VPS13B: variants seen among roughly 807,000 people sequenced by gnomAD.
VPS13B encodes the protein vacuolar protein sorting 13 homolog B.
In VPS13B, 285 loss-of-function variants were observed where a neutral mutation model predicts 426.4. The observed-to-expected ratio is 0.67, with a 90% confidence interval of 0.61 to 0.74. VPS13B has a LOEUF of 0.74. Ranked by LOEUF, VPS13B falls within the 30% of genes least tolerant of loss-of-function variation. The pLI, the probability that VPS13B is intolerant of heterozygous loss-of-function variation, is 0.00. For synonymous variants in VPS13B, 1,676 were observed against 1,676.4 expected, an observed-to-expected ratio of 1.00 and a Z score of 0.01; for missense variants, 4,537 against 4,782.6, an observed-to-expected ratio of 0.95 and a Z score of 1.51.
At chr8:99,749,601 C>A (rs758389868) in intron 39 of VPS13B, among the ~76,000 whole-genome samples, 22 of 151,998 alleles carry the variant, frequency 1.4e-4, no homozygotes, top group Non-Finnish European at 2.6e-4. Context: ...AGTAGTACTC[C>A]ATTGTGTGTA....
chr8:99,087,185 C>T (rs1187582782), intron 3 of VPS13B, among the ~76,000 whole-genome samples: 1 of 152,158 alleles, frequency 6.6e-6, no homozygotes, highest in African/African-American at 2.4e-5. Context: ...CCTCGCTGCC[C>T]CCTTGCAGTT....
intron 17 of VPS13B, among the ~76,000 whole-genome samples, chr8:99,200,367 G>T (rs1787799694): frequency 6.6e-6 from 1 of 151,968 alleles, no homozygotes; most frequent in Admixed American, 6.6e-5. Flanking sequence ...GAATATTCAA[G>T]TACAGGTTTT....
intron 17 of VPS13B, among the ~76,000 whole-genome samples, chr8:99,201,435 A>C (rs1490006065): frequency 6.6e-6 from 1 of 152,178 alleles, no homozygotes; most frequent in East Asian, 1.9e-4. Context: ...CAAAAGCAAT[A>C]ACAAATTTAA....
At chr8:99,027,530 C>T (rs1373078492) in intron 2 of VPS13B, among the ~76,000 whole-genome samples, 3 of 72,678 alleles carry the variant, frequency 4.1e-5, no homozygotes, top group Non-Finnish European at 7.2e-5. Flanking sequence ...ATTTCTTCTA[C>T]ATCTAGTCTA....
intron 34 of VPS13B, among the ~76,000 whole-genome samples, chr8:99,654,031 GATTATTATTATTATT>G (rs200884439): frequency 1.3e-5 from 2 of 149,784 alleles, no homozygotes; most frequent in African/African-American, 2.5e-5. Flanking sequence ...TGATGATGAT[GATTATTATTATTATT>G]ATTATTATAT....
intron 31 of VPS13B, among the ~76,000 whole-genome samples, chr8:99,564,423 C>G (rs1389044954): frequency 6.6e-6 from 1 of 152,138 alleles, no homozygotes; most frequent in African/African-American, 2.4e-5. Flanking sequence ...GCAGCACATC[C>G]AACTGGTGGA....
At chr8:99,382,423 G>A (rs1295967931) in intron 19 of VPS13B, among the ~76,000 whole-genome samples, 1 of 152,112 alleles carries the variant, frequency 6.6e-6, no homozygotes, top group African/African-American at 2.4e-5. Context: ...GGACAGAATG[G>A]CCCTTTTAAT....
chr8:99,152,136 A>G (rs1011928228), intron 14 of VPS13B, among the ~76,000 whole-genome samples: 1 of 152,144 alleles, frequency 6.6e-6, no homozygotes, highest in African/African-American at 2.4e-5. Context: ...TTTGTAATAT[A>G]TGAACTCAAT....
intron 17 of VPS13B, among the ~76,000 whole-genome samples, chr8:99,200,599 G>A (rs1258781160): frequency 6.6e-6 from 1 of 151,946 alleles, no homozygotes; most frequent in Non-Finnish European, 1.5e-5. Flanking sequence ...CATCATTGTA[G>A]GTGTGAAGTG....
intron 54 of VPS13B, among the ~76,000 whole-genome samples, chr8:99,844,840 C>G (rs1324259627): frequency 6.6e-6 from 1 of 152,120 alleles, no homozygotes; most frequent in East Asian, 1.9e-4. Flanking sequence ...TTTCTGGAAT[C>G]TCTCTATTAT....
intron 44 of VPS13B, among the ~76,000 whole-genome samples, chr8:99,813,409 T>A (rs1458390434): frequency 6.6e-6 from 1 of 152,240 alleles, no homozygotes; most frequent in Non-Finnish European, 1.5e-5. Context: ...GCAAGAGCCA[T>A]GTGCATATAT....
chr8:99,361,770 A>G (rs1812573708), intron 19 of VPS13B, among the ~76,000 whole-genome samples: 2 of 152,216 alleles, frequency 1.3e-5, no homozygotes, highest in South Asian at 4.1e-4. Context: ...TGAAGGCAGA[A>G]CTATTTTTAG....
At chr8:99,692,696 A>G (rs1372681167) in intron 35 of VPS13B, among the ~76,000 whole-genome samples, 2 of 137,452 alleles carry the variant, frequency 1.5e-5, no homozygotes, top group African/African-American at 5.6e-5. Context: ...CTAAAATCAG[A>G]GCAGAACTGA....
intron 21 of VPS13B, among the ~76,000 whole-genome samples, chr8:99,393,223 T>C (rs1370827749): frequency 6.6e-6 from 1 of 152,112 alleles, no homozygotes; most frequent in African/African-American, 2.4e-5. Flanking sequence ...ATCACAGATT[T>C]TGAAATGCAT....
intron 42 of VPS13B, among the ~76,000 whole-genome samples, chr8:99,783,045 C>T (rs1467883803): frequency 6.6e-6 from 1 of 152,042 alleles, no homozygotes; most frequent in East Asian, 1.9e-4. Flanking sequence ...CAGCATAGAG[C>T]CTGCCCACCT....
intron 21 of VPS13B, among the ~76,000 whole-genome samples, chr8:99,410,462 C>T (rs1423156996): frequency 6.6e-6 from 1 of 152,054 alleles, no homozygotes; most frequent in East Asian, 1.9e-4. Flanking sequence ...AAACAAACTC[C>T]ATGTTACCTC....
chr8:99,080,081 TTAA>T (rs1845362084), intron 3 of VPS13B, among the ~76,000 whole-genome samples: 1 of 150,924 alleles, frequency 6.6e-6, no homozygotes, highest in African/African-American at 2.4e-5. Context: ...ATATATAACA[TTAA>T]TGTTTCTTTT....
chr8:99,314,174 C>T (rs186232848), intron 19 of VPS13B, among the ~76,000 whole-genome samples: 4 of 152,228 alleles, frequency 2.6e-5, no homozygotes, highest in Admixed American at 1.3e-4. Flanking sequence ...CACCCACTGT[C>T]CTGCCCCCAC....
rs112214024 is a variant in VPS13B at position 99,060,692 on chromosome 8, G to A, written c.291+22126G>A. Among the ~76,000 whole-genome samples, 587 of 152,048 alleles carry A rather than the reference G, an allele frequency of 3.9e-3. 6 individuals are homozygous for A. The highest frequency in any genetic ancestry group is 0.013 in the African/African-American group (523 of 41,496). On this transcript the variant is annotated intron_variant, in intron 3 of 61. Transcript: ENST00000357162. ...CCTGAAATTTATGGCATATGAAAAT[G>A]AAACTTGGCATAAAGTGGATTTTTT...
Sources: gnomAD v4.1 joint callset for allele counts (sites outside exome capture counted in the v4.1 genomes callset) on GRCh38, gnomAD v4.1.1 for gene constraint, MANE v1.5 for transcripts, NCBI Gene and HGNC (gene_info 2026-07-23, HGNC 2026-07-21) for gene names.